RNF24: variants seen among roughly 807,000 people sequenced by gnomAD.
RNF24 encodes ring finger protein 24.
In RNF24, 14 loss-of-function variants were observed where a neutral mutation model predicts 20.0. The ratio of observed to expected loss-of-function variants is 0.70; its 90% CI spans 0.46 to 1.10. RNF24 has a LOEUF of 1.10. RNF24 is among the 50% of genes least tolerant of loss of function. The pLI is 0.00. For missense variants in RNF24, 124 were observed against 177.6 expected, an observed-to-expected ratio of 0.70 and a Z score of 1.71; for synonymous variants, 45 against 61.1, an observed-to-expected ratio of 0.74 and a Z score of 1.23.
chr20:3,998,189 C>T (rs1322897415), intron 1 of RNF24, among the ~76,000 whole-genome samples: 2 of 152,154 alleles, frequency 1.3e-5, no homozygotes, highest in Non-Finnish European at 2.9e-5. Flanking sequence ...GCTTGTAATC[C>T]CAGCACTTTG....
At position 3,932,574 on chromosome 20, in the gene RNF24, A is replaced by T. The variant is rs2090837405; in HGVS notation, c.*1489T>A. 4.9e-6 allele frequency: 1 copy of T among 202,456 alleles called. No homozygotes were observed. 12.5% of individuals were successfully genotyped at this position (202,456 alleles called of 1,614,324 possible). A position where few individuals can be genotyped will look rare whatever the true frequency, so the allele number is the denominator to read the frequency against. On this transcript the variant is annotated 3_prime_UTR_variant, in exon 6 of 6. Coordinates refer to ENST00000358395, the MANE Select transcript of RNF24 (RefSeq NM_001134337.3). ...GACAGAGGTTGGATTCCAGAAAAAA[A>T]TCCTGGAGTCATGCCAAGAGCAGAG...
intron 1 of RNF24, among the ~76,000 whole-genome samples, chr20:3,970,307 T>G (rs1324118423): frequency 6.6e-6 from 1 of 152,122 alleles, no homozygotes. Flanking sequence ...TACCTGGCAT[T>G]AATGAAGCAG....
chr20:4,007,064 G>C (rs1478666406), intron 1 of RNF24, among the ~76,000 whole-genome samples: 1 of 152,162 alleles, frequency 6.6e-6, no homozygotes, highest in Non-Finnish European at 1.5e-5. Flanking sequence ...TACCTACCTA[G>C]GTAAGAAAAG....
intron 1 of RNF24, among the ~76,000 whole-genome samples, chr20:4,012,366 G>A (rs572228696): frequency 1.3e-5 from 2 of 150,898 alleles, no homozygotes; most frequent in South Asian, 2.1e-4. Flanking sequence ...GCAGTCAGCC[G>A]AGATCACGCC....
intron 1 of RNF24, among the ~76,000 whole-genome samples, chr20:3,981,396 G>A (rs924230651): frequency 3.9e-5 from 6 of 151,938 alleles, no homozygotes; most frequent in African/African-American, 1.5e-4. Flanking sequence ...TTGAATTTAT[G>A]GCATGGAAAA....
chr20:4,005,453 T>A (rs577198623), intron 1 of RNF24, among the ~76,000 whole-genome samples: 1 of 152,304 alleles, frequency 6.6e-6, no homozygotes, highest in South Asian at 2.1e-4. Context: ...TGCATGAGAT[T>A]TCCAACACAT....
rs2091042023 is a variant in RNF24 at position 3,948,164 on chromosome 20, G to C, written c.186+73C>G. 6 of 1,056,302 alleles carry C rather than the reference G, an allele frequency of 5.7e-6. No homozygotes were observed. In the South Asian group the frequency reaches 8.3e-5, roughly 15 times the overall value. 65.4% of individuals were successfully genotyped at this position (1,056,302 alleles called of 1,614,324 possible). On this transcript the variant is annotated intron_variant, in intron 3 of 5. Transcript: ENST00000358395. ...TAAATTCAGTCCCAGTTTAACGTAT[G>C]AGTGGAAATCAGAGTTCTCAGTTTT...
chr20:4,003,008 C>CA (rs1263219010), intron 1 of RNF24, among the ~76,000 whole-genome samples: 4 of 152,200 alleles, frequency 2.6e-5, no homozygotes, highest in Non-Finnish European at 5.9e-5. Flanking sequence ...CTCACTCTGT[C>CA]ACCCAAGCTG....
rs2090867727 is a variant in RNF24, at chr20:3,934,596, G to A, written c.309-395C>T. 6.6e-6 allele frequency among the ~76,000 whole-genome samples: 1 copy of A among 152,188 alleles called. No homozygotes were observed. The highest frequency in any genetic ancestry group is 2.4e-5 in the African/African-American group (1 of 41,442). ...TAAGAGGAAGAATATTAATATGTCT[G>A]CAGGAAGTGGGAGGAGAGTGCCCCA... On this transcript the variant is annotated intron_variant, in intron 5 of 5. Coordinates refer to ENST00000358395, the MANE Select transcript of RNF24 (RefSeq NM_001134337.3). The surrounding 1 kb of genome is among the most constrained non-coding windows in gnomAD (Gnocchi z 4.0).
At chr20:3,958,869 T>C (rs751414515) in intron 2 of RNF24, among the ~76,000 whole-genome samples, 1 of 152,228 alleles carries the variant, frequency 6.6e-6, no homozygotes, top group African/African-American at 2.4e-5. Flanking sequence ...CTCAAACTCC[T>C]AACCTCAGGT....
At chr20:3,951,360 A>G (rs1165568612) in intron 2 of RNF24, among the ~76,000 whole-genome samples, 1 of 152,186 alleles carries the variant, frequency 6.6e-6, no homozygotes, top group Non-Finnish European at 1.5e-5. Flanking sequence ...GAAGATTTCA[A>G]TTTAAGATTG....
intron 1 of RNF24, among the ~76,000 whole-genome samples, chr20:3,979,425 C>A (rs1452408589): frequency 2.0e-5 from 3 of 152,162 alleles, no homozygotes; most frequent in African/African-American, 7.2e-5. Flanking sequence ...AATCTCAGCA[C>A]AGCACTTTGG....
chr20:4,003,218 C>G (rs953284522), intron 1 of RNF24, among the ~76,000 whole-genome samples: 6 of 152,206 alleles, frequency 3.9e-5, no homozygotes, highest in African/African-American at 1.4e-4. Flanking sequence ...ATCTACCCAC[C>G]TCGGCCTACC....
chr20:3,969,932 A>G (rs1420841959), intron 1 of RNF24, among the ~76,000 whole-genome samples: 1 of 151,876 alleles, frequency 6.6e-6, no homozygotes, highest in Non-Finnish European at 1.5e-5. Context: ...CACCATGCCC[A>G]GCTAATTTTT....
intron 1 of RNF24, among the ~76,000 whole-genome samples, chr20:4,008,502 TTATAC>T (rs1233102170): frequency 7.0e-5 from 8 of 114,214 alleles, no homozygotes; most frequent in African/African-American, 2.6e-4. Context: ...AATATATATA[TTATAC>T]ATATTATATA....
chr20:3,939,747 T>C (rs916808572), intron 4 of RNF24, among the ~76,000 whole-genome samples: 8 of 152,186 alleles, frequency 5.3e-5, no homozygotes. Context: ...AAAGGGCAGA[T>C]AGGATTTTGA....
chr20:3,983,991 G>C (rs1370815293), intron 1 of RNF24, among the ~76,000 whole-genome samples: 1 of 149,630 alleles, frequency 6.7e-6, no homozygotes, highest in Non-Finnish European at 1.5e-5. Flanking sequence ...GGGCACAGTG[G>C]CTCATGCCAG....
chr20:3,943,514 A>G (rs1436770420), intron 4 of RNF24, among the ~76,000 whole-genome samples: 2 of 152,236 alleles, frequency 1.3e-5, no homozygotes, highest in Non-Finnish European at 2.9e-5. Context: ...TATAATGGAG[A>G]ATCCAGAAAT....
chr20:3,996,282 T>C (rs777710694), intron 1 of RNF24, among the ~76,000 whole-genome samples: 45 of 152,210 alleles, frequency 3.0e-4, no homozygotes, highest in Non-Finnish European at 5.4e-4. Context: ...AGAAAATATA[T>C]TTAGCAGGTT....
Sources: gnomAD v4.1 joint callset for allele counts (sites outside exome capture counted in the v4.1 genomes callset) on GRCh38, gnomAD v4.1.1 for gene constraint, Gnocchi (gnomAD v3.1) non-coding constraint, MANE v1.5 for transcripts, NCBI Gene and HGNC (gene_info 2026-07-23, HGNC 2026-07-21) for gene names.